The following DNAH10 variants were observed in gnomAD, a reference collection of about 807,000 sequenced individuals.
DNAH10 encodes dynein axonemal heavy chain 10, also known as axonemal beta dynein heavy chain 10.
A neutral mutation model predicts 506.6 loss-of-function variants in DNAH10; 348 were observed. The observed-to-expected ratio is 0.69, with a 90% CI of 0.63 to 0.75. The LOEUF (loss-of-function observed/expected upper bound fraction) is 0.75, where lower values mean the gene tolerates loss of function less well. Ranked by LOEUF, DNAH10 falls within the 30% of genes least tolerant of loss-of-function variation. DNAH10 has a pLI of 0.00. For missense variants in DNAH10, 5,179 were observed against 5,787.1 expected (o/e 0.89, Z 3.41); for synonymous variants, 2,059 against 2,198.6 (o/e 0.94, Z 1.78).
chr12:123,898,958 C>T (rs892081075), intron 56 of DNAH10, 144 bp downstream of exon 56: 15 of 1,269,186 alleles, frequency 1.2e-5, no homozygotes, highest in African/African-American at 4.6e-5. Context: ...AGGCACTGAG[C>T]GTGCCATCTT....
At chr12:123,803,378 G>T (rs1594065108) in intron 16 of DNAH10, among the ~76,000 whole-genome samples, 2 of 152,178 alleles carry the variant, frequency 1.3e-5, no homozygotes, top group East Asian at 3.8e-4. Flanking sequence ...TGAGAAGACA[G>T]CTAGGCTTGA....
At position 123,850,907 on chromosome 12, in the gene DNAH10, C is replaced by A; in HGVS notation, c.6122C>A (p.Ser2041Tyr). ...TTFQFEGQEI[S>Y]LDSRMGIFIT... is the part of the protein sequence containing the mutation. ...CTCCAGTTTGAAGGGCAGGAGATTT[C>A]CCTGGACTCCCGCATGGGCATCTTC... Residue 2041 changes from serine to tyrosine, a missense_variant, in exon 35 of 79, where the codon TCC (serine) becomes TAC (tyrosine). Coordinates refer to ENST00000673944, the MANE Select transcript of DNAH10 (RefSeq NM_001372106.1). The surrounding 1 kb of genome is among the most constrained non-coding windows in gnomAD (Gnocchi z 5.5). 1 of 1,612,790 alleles carries A rather than the reference C, an allele frequency of 6.2e-7. No individual in the cohort carries two copies. The highest frequency in any genetic ancestry group is 2.2e-5 in the East Asian group (1 of 44,842).
At chr12:123,802,118 T>C (rs1269755764) in intron 16 of DNAH10, among the ~76,000 whole-genome samples, 2 of 152,254 alleles carry the variant, frequency 1.3e-5, no homozygotes. Flanking sequence ...CAATGTACCA[T>C]AGTTTGTTCA....
chr12:123,881,273 T>TA (rs1418368731), intron 50 of DNAH10, among the ~76,000 whole-genome samples: 1 of 152,220 alleles, frequency 6.6e-6, no homozygotes, highest in African/African-American at 2.4e-5. Flanking sequence ...ACCAACTGTG[T>TA]AAAACTGTTC....
At position 123,907,330 on chromosome 12, in the gene DNAH10, A is replaced by G. The variant is rs79219058; in HGVS notation, c.9816-1931A>G. On this transcript the variant is annotated intron_variant, in intron 57 of 78. Transcript: ENST00000673944. This position sits in a 1 kb window ranked among gnomAD's most constrained non-coding sequence, Gnocchi z 4.4. ...TACTGGGAGGTGGGGAGTGGGGTTT[A>G]TAAGGATTATTTTCCTCTAGGGAGG... Among the ~76,000 whole-genome samples the G allele has an allele frequency of 1.4e-3, 216 of 152,270 alleles. No homozygotes were observed. Among genetic ancestry groups the G allele is most frequent in the African/African-American group, 5.1e-3 (210 of 41,560 alleles).
intron 30 of DNAH10, among the ~76,000 whole-genome samples, chr12:123,841,981 C>G (rs1007452745): frequency 6.6e-6 from 1 of 152,178 alleles, no homozygotes; most frequent in Non-Finnish European, 1.5e-5. Context: ...CCACTGAGCC[C>G]GGGCAGTCTT....
chr12:123,858,865 G>T (rs1951502380), intron 37 of DNAH10, among the ~76,000 whole-genome samples: 1 of 152,122 alleles, frequency 6.6e-6, no homozygotes. Context: ...TCCATGAAAT[G>T]CCCAGAATAC....
intron 35 of DNAH10, among the ~76,000 whole-genome samples, chr12:123,852,432 G>A (rs1056128171): frequency 4.6e-5 from 7 of 152,158 alleles, no homozygotes; most frequent in East Asian, 1.9e-4. Flanking sequence ...GCCTATTACC[G>A]TGTCAGGATT....
rs1565936588 is a variant in DNAH10, at chr12:123,813,283, A to G, written c.3264A>G (p.Glu1088=). ...TCTCTCTGAACCCTCAGATAATTGA[A>G]CAAGCTGTTATGATCCCCCAAAATG... ...NDISLNPQII[E]QAVMIPQNVH... Residue 1088 remains glutamate (E), a synonymous_variant, in exon 20 of 79, where the codon GAA becomes GAG. Coordinates refer to ENST00000673944, the MANE Select transcript of DNAH10 (RefSeq NM_001372106.1). The G allele has an allele frequency of 6.2e-7, 1 of 1,614,208 alleles. No individual in the cohort carries two copies. Among genetic ancestry groups the G allele is most frequent in the East Asian group, 2.2e-5 (1 of 44,888 alleles).
At chr12:123,839,581 T>C (rs1439184770) in intron 29 of DNAH10, among the ~76,000 whole-genome samples, 1 of 152,140 alleles carries the variant, frequency 6.6e-6, no homozygotes, top group Non-Finnish European at 1.5e-5. Context: ...ATTTGGTTTG[T>C]CTCTTTTTTT....
chr12:123,775,007 T>G (rs1303785180), intron 5 of DNAH10, among the ~76,000 whole-genome samples: 1 of 152,204 alleles, frequency 6.6e-6, no homozygotes, highest in Non-Finnish European at 1.5e-5. Flanking sequence ...ACAAGTGGCA[T>G]GAGGAAAATA....
intron 52 of DNAH10, among the ~76,000 whole-genome samples, chr12:123,891,787 T>C (rs1254991869): frequency 6.6e-6 from 1 of 152,102 alleles, no homozygotes; most frequent in East Asian, 1.9e-4. Context: ...CAGCATGTGG[T>C]CCTGCTCATG....
chr12:123,844,055 G>A (rs767248303), intron 30 of DNAH10, among the ~76,000 whole-genome samples: 11 of 152,196 alleles, frequency 7.2e-5, no homozygotes, highest in Non-Finnish European at 1.5e-4. Flanking sequence ...TCACAGTCAC[G>A]CATGGCTGGG....
At chr12:123,821,102 C>T (rs1278851965) in intron 24 of DNAH10, among the ~76,000 whole-genome samples, 1 of 152,084 alleles carries the variant, frequency 6.6e-6, no homozygotes, top group African/African-American at 2.4e-5. Flanking sequence ...ATCCAAAAGT[C>T]AGCCAGGTAT....
At position 123,917,929 on chromosome 12, in the gene DNAH10, A is replaced by C; in HGVS notation, c.11232+116A>C. Reference sequence around the variant, plus strand: ...GGGGCTCTGTGATCTCAGGGCTAAAAACCCACCTCTATTGGGATGTGCTGT... The same window carrying C: ...GGGGCTCTGTGATCTCAGGGCTAAACACCCACCTCTATTGGGATGTGCTGT... On this transcript the variant is annotated intron_variant, in intron 64 of 78. Coordinates refer to ENST00000673944, the MANE Select transcript of DNAH10 (RefSeq NM_001372106.1). This position sits in a 1 kb window ranked among gnomAD's most constrained non-coding sequence, Gnocchi z 5.6. The C allele has an allele frequency of 8.8e-7, 1 of 1,141,636 alleles. No homozygotes were observed. The highest frequency in any genetic ancestry group is 1.2e-6 in the Non-Finnish European group (1 of 803,548). The allele number at this position is 1,141,636 out of a possible 1,614,324, so 70.7% of individuals were successfully genotyped here.
At chr12:123,825,672 GAC>G (rs1959907992) in intron 24 of DNAH10, among the ~76,000 whole-genome samples, 1 of 152,152 alleles carries the variant, frequency 6.6e-6, no homozygotes, top group African/African-American at 2.4e-5. Flanking sequence ...GAGGGGTTAT[GAC>G]ACAGGGAAAT....
At position 123,893,683 on chromosome 12, in the gene DNAH10, C is replaced by T. The variant is rs146564493; in HGVS notation, c.9199+247C>T. On this transcript the variant is annotated intron_variant, in intron 53 of 78. Coordinates refer to ENST00000673944, the MANE Select transcript of DNAH10 (RefSeq NM_001372106.1). ...CCATGCGAGGCCCGCAGTGCATGGA[C>T]GGTGGCTCCCCGCTTCCTTCCATTT... Among the ~76,000 whole-genome samples the T allele has an allele frequency of 4.0e-3, 609 of 152,262 alleles. 5 individuals carry two copies. Among genetic ancestry groups the T allele is most frequent in the African/African-American group, 0.012 (507 of 41,558 alleles).
Position 123,931,811 on chromosome 12 carries a change from G to T in DNAH10, c.13092G>T (p.Val4364=), listed in dbSNP as rs368050230. ...AACTGGAACGCTTCAACAAGCTTGT[G>T]GTCCGGATGACGAAGTCTCTGGCTG... ...LQELERFNKL[V]VRMTKSLAEL... The change falls in exon 75 of 79, where the codon GTG becomes GTT. Residue 4364 remains valine, a synonymous_variant. Transcript: ENST00000673944. The T allele has an allele frequency of 4.4e-4, 715 of 1,614,052 alleles. No homozygotes were observed. Among genetic ancestry groups the T allele is most frequent in the Non-Finnish European group, 5.8e-4 (682 of 1,179,900 alleles).
intron 12 of DNAH10, among the ~76,000 whole-genome samples, chr12:123,794,620 C>T (rs938499025): frequency 8.0e-5 from 12 of 150,652 alleles, no homozygotes; most frequent in East Asian, 2.0e-4. Context: ...CCGAGGCCAG[C>T]GGATTGCTTG....
Sources: allele counts gnomAD v4.1 joint callset (sites outside exome capture counted in the v4.1 genomes callset), GRCh38; gene constraint gnomAD v4.1.1; non-coding constraint Gnocchi (gnomAD v3.1); transcripts MANE v1.5; gene names NCBI Gene and HGNC (gene_info 2026-07-23, HGNC 2026-07-21).